RBM20: variants seen among roughly 807,000 people sequenced by gnomAD.
RBM20 encodes RNA binding motif protein 20.
In RBM20, 51 loss-of-function variants were observed where a neutral mutation model predicts 110.1. The ratio of observed to expected loss-of-function variants is 0.46; its 90% CI spans 0.37 to 0.59. The LOEUF (loss-of-function observed/expected upper bound fraction) is 0.59. RBM20 is among the 20% of genes least tolerant of loss of function. The pLI, the probability that RBM20 is intolerant of heterozygous loss-of-function variation, is 0.00. For missense variants in RBM20, 1,512 were observed against 1,574.9 expected (o/e 0.96, Z 0.68); for synonymous variants, 589 against 618.2 (o/e 0.95, Z 0.70).
chr10:110,672,348 A>G (rs1021563615), intron 1 of RBM20, among the ~76,000 whole-genome samples: 3 of 144,284 alleles, frequency 2.1e-5, no homozygotes, highest in Non-Finnish European at 3.0e-5. Flanking sequence ...GAATAATTCA[A>G]CCCTCGTGTT....
chr10:110,666,944 A>C (rs1476192683), intron 1 of RBM20, among the ~76,000 whole-genome samples: 1 of 152,230 alleles, frequency 6.6e-6, no homozygotes, highest in African/African-American at 2.4e-5. Context: ...TAAGGGAAGA[A>C]AATGGAAATA....
At chr10:110,738,875 C>G (rs1843699349) in intron 1 of RBM20, among the ~76,000 whole-genome samples, 1 of 152,110 alleles carries the variant, frequency 6.6e-6, no homozygotes. Context: ...GGAGCCCAGA[C>G]CTATAGCTGT....
At chr10:110,750,953 C>CA (rs1843845563) in intron 1 of RBM20, among the ~76,000 whole-genome samples, 1 of 151,646 alleles carries the variant, frequency 6.6e-6, no homozygotes, top group South Asian at 2.1e-4. Flanking sequence ...GCTTTACCTG[C>CA]AGACCTGCTG....
At chr10:110,761,516 C>T (rs527437203) in intron 1 of RBM20, among the ~76,000 whole-genome samples, 2 of 152,220 alleles carry the variant, frequency 1.3e-5, no homozygotes, top group Non-Finnish European at 2.9e-5. Flanking sequence ...ACTTAAGCCA[C>T]AAGGACTCAG....
chr10:110,766,076 G>A (rs1281542710), intron 1 of RBM20, among the ~76,000 whole-genome samples: 1 of 152,110 alleles, frequency 6.6e-6, no homozygotes, highest in African/African-American at 2.4e-5. Flanking sequence ...CAATGGATGG[G>A]GTAGCTGGGG....
chr10:110,832,652 C>T (rs1040612068), intron 13 of RBM20, among the ~76,000 whole-genome samples: 18 of 152,164 alleles, frequency 1.2e-4, no homozygotes, highest in Non-Finnish European at 2.6e-4. Flanking sequence ...GTTATTGGGC[C>T]TAGGATCAAA....
At chr10:110,654,588 T>C (rs1191413417) in intron 1 of RBM20, among the ~76,000 whole-genome samples, 1 of 151,628 alleles carries the variant, frequency 6.6e-6, no homozygotes, top group African/African-American at 2.4e-5. Context: ...ACTGATGACT[T>C]GCCCTGGTGC....
intron 1 of RBM20, among the ~76,000 whole-genome samples, chr10:110,696,037 C>G (rs932604933): frequency 1.3e-5 from 2 of 152,218 alleles, no homozygotes; most frequent in Non-Finnish European, 2.9e-5. Flanking sequence ...AATGCAAATT[C>G]TCAGGCCCTG....
In RBM20 at chr10:110,821,702, A is replaced by G. The variant is rs1844913564; in HGVS notation, c.3083A>G (p.Glu1028Gly). The G allele has an allele frequency of 6.4e-7, 1 of 1,551,686 alleles. No individual in the cohort carries two copies. Among genetic ancestry groups the G allele is most frequent in the Admixed American group, 2.0e-5 (1 of 50,988 alleles). Residue 1028 changes from glutamate to glycine, a missense_variant, in exon 11 of 14, where the codon GAG becomes GGG. Physicochemically the swap from Glu to Gly is moderately conservative, Grantham distance 98 (BLOSUM62 -2). Around this residue, in one of 3 missense-constraint regions of RBM20, gnomAD observed 358 missense variants for 384.2 expected, o/e 0.93. Coordinates refer to ENST00000369519, the MANE Select transcript of RBM20 (RefSeq NM_001134363.3). ...GAGGATTCAGATTGCTACGAGAAGG[A>G]GGCAAAGGGAGTGGAGAGCTCAGAT... Reference protein sequence around the residue: ...SLEDSDCYEKEAKGVESSDVH... With the variant: ...SLEDSDCYEKGAKGVESSDVH...
chr10:110,796,973 T>A (rs962221474), intron 5 of RBM20, among the ~76,000 whole-genome samples: 5 of 152,204 alleles, frequency 3.3e-5, no homozygotes, highest in African/African-American at 1.2e-4. Flanking sequence ...TAGGATACAT[T>A]TCTAAGAGTG....
At chr10:110,650,434 G>T in intron 1 of RBM20, among the ~76,000 whole-genome samples, 1 of 152,208 alleles carries the variant, frequency 6.6e-6, no homozygotes. Flanking sequence ...CTTGCATGAG[G>T]ATGTGTTCAT....
chr10:110,682,611 G>A lies in RBM20; in HGVS notation c.191+37966G>A, dbSNP rs545635509. ...AAGATTCCTGGATTTGAGTTTGCCT[G>A]ATGTGTCCTGATGATTAGATTGAGG... On this transcript the variant is annotated intron_variant, in intron 1 of 13. Transcript: ENST00000369519. Among the ~76,000 whole-genome samples the A allele has an allele frequency of 5.9e-5, 9 of 152,322 alleles. 1 individual carries two copies. The highest frequency in any genetic ancestry group is 5.9e-4 in the Admixed American group (9 of 15,296).
chr10:110,816,897 A>G (rs1427040233), intron 9 of RBM20, among the ~76,000 whole-genome samples: 1 of 152,238 alleles, frequency 6.6e-6, no homozygotes, highest in Non-Finnish European at 1.5e-5. Flanking sequence ...TAAAGAGGTC[A>G]TGCTCATTAA....
At chr10:110,737,186 A>AAAAAAAAAAAAAAAAAAAAAAC (rs1564830182) in intron 1 of RBM20, among the ~76,000 whole-genome samples, 2 of 140,136 alleles carry the variant, frequency 1.4e-5, no homozygotes, top group African/African-American at 2.7e-5. Flanking sequence ...TCAAAAAAAA[A>AAAAAAAAAAAAAAAAAAAAAAC]AAAAAAAAAA....
intron 1 of RBM20, among the ~76,000 whole-genome samples, chr10:110,777,395 A>G (rs35011232): frequency 0.025 from 3,798 of 152,304 alleles, 57 homozygotes; most frequent in South Asian, 0.042. Flanking sequence ...TAACTATTGC[A>G]GGCTAAGAAT....
chr10:110,672,687 C>T (rs1026425258), intron 1 of RBM20, among the ~76,000 whole-genome samples: 5 of 152,236 alleles, frequency 3.3e-5, no homozygotes, highest in Non-Finnish European at 7.3e-5. Context: ...GTCTTTTCTC[C>T]TGGAGTGGGA....
intron 1 of RBM20, among the ~76,000 whole-genome samples, chr10:110,679,283 G>T (rs1336248406): frequency 2.0e-5 from 3 of 152,010 alleles, no homozygotes; most frequent in Non-Finnish European, 2.9e-5. Flanking sequence ...GAATGCAGTG[G>T]TGTGATCATA....
In RBM20 at chr10:110,786,161, A is replaced by G. The variant is rs111869243; in HGVS notation, c.1527+1272A>G. On this transcript the variant is annotated intron_variant, in intron 5 of 13. Coordinates refer to ENST00000369519, the MANE Select transcript of RBM20 (RefSeq NM_001134363.3). The stretch of plus-strand genomic sequence containing the variant: ...GACCTCTTCTTCTCCTCTGGGCAGG[A>G]GAAAGGGGAGTGGGAGGAAAACTGA... Among the ~76,000 whole-genome samples the G allele has an allele frequency of 5.1e-3, 776 of 152,242 alleles. 2 individuals are homozygous for G. Among genetic ancestry groups the G allele is most frequent in the Middle Eastern group, 0.024 (7 of 294 alleles).
chr10:110,669,944 C>G (rs187546663), intron 1 of RBM20, among the ~76,000 whole-genome samples: 7 of 152,302 alleles, frequency 4.6e-5, no homozygotes, highest in Admixed American at 2.0e-4. Context: ...AAATAATATG[C>G]CATTTCTTTG....
Sources: gnomAD v4.1 joint callset for allele counts (sites outside exome capture counted in the v4.1 genomes callset) on GRCh38, gnomAD v4.1.1 for gene constraint, gnomAD v4.1.1 regional missense constraint, MANE v1.5 for transcripts, NCBI Gene and HGNC (gene_info 2026-07-23, HGNC 2026-07-21) for gene names.